Variants in OSBP observed in about 807,000 individuals in gnomAD.
OSBP encodes the protein oxysterol binding protein, also known as oxysterol-binding protein 1.
OSBP carries 32 observed loss-of-function variants against 96.6 expected under a neutral mutation model. That is an observed-to-expected ratio of 0.33 (90% CI 0.25 to 0.45). The LOEUF (loss-of-function observed/expected upper bound fraction) is 0.45, where lower values mean the gene tolerates loss of function less well. Ranked by LOEUF, OSBP falls within the 20% of genes least tolerant of loss-of-function variation. The pLI is 1.00. For synonymous variants in OSBP, 369 were observed against 389.6 expected, an observed-to-expected ratio of 0.95 and a Z score of 0.62; for missense variants, 653 against 1,029.7, an observed-to-expected ratio of 0.63 and a Z score of 5.01.
In OSBP at chr11:59,575,573, G is replaced by GATATTTAACACATTAT. The variant is rs1860352530; in HGVS notation, c.*1003_*1004insATAATGTGTTAAATAT. ...ACACATTATTCCAGAGGTGGCTCCA[G>GATATTTAACACATTAT]TCCTTGGGGCTTGAGAGATGGTGAA... On this transcript the variant is annotated 3_prime_UTR_variant, in exon 14 of 14. Transcript: ENST00000263847. 2.0e-5 allele frequency: 3 copies of GATATTTAACACATTAT among 152,624 alleles called. No homozygotes were observed. The highest frequency in any genetic ancestry group is 7.2e-5 in the African/African-American group (3 of 41,456). The allele number at this position is 152,624 out of a possible 1,614,324, so 9.5% of individuals were successfully genotyped here.
chr11:59,578,505 C>T (rs2134650230), intron 11 of OSBP, among the ~76,000 whole-genome samples, 175 bp from the exon 12 acceptor site: 1 of 152,258 alleles, frequency 6.6e-6, no homozygotes, highest in East Asian at 1.9e-4. Context: ...GGCTGGAGTA[C>T]ACTGATGCAA....
intron 7 of OSBP, among the ~76,000 whole-genome samples, chr11:59,597,068 C>CT (rs1565118218): frequency 2.0e-5 from 3 of 151,862 alleles, no homozygotes; most frequent in East Asian, 1.9e-4. Flanking sequence ...CTATTTCTTT[C>CT]TTTTTTTTGA....
At chr11:59,609,142 T>C (rs1269580303) in intron 2 of OSBP, among the ~76,000 whole-genome samples, 1 of 152,222 alleles carries the variant, frequency 6.6e-6, no homozygotes, top group African/African-American at 2.4e-5. Context: ...AGCTTGATGA[T>C]TCCTATCTAG....
chr11:59,608,558 C>A lies in OSBP; in HGVS notation c.748G>T (p.Glu250Ter). The A allele has an allele frequency of 6.2e-7, 1 of 1,613,976 alleles. No homozygotes were observed. The highest frequency in any genetic ancestry group is 8.5e-7 in the Non-Finnish European group (1 of 1,179,958). Reference sequence around the variant, plus strand: ...ACCTGTTTGATCTTTTCATTGCTCTCAGCAGGCAACTTCAGGGACTCCAGC... The same window carrying A: ...ACCTGTTTGATCTTTTCATTGCTCTAAGCAGGCAACTTCAGGGACTCCAGC... ...SELESLKLPA[E>*]SNEKIKQVNE... is the part of the protein sequence containing the mutation. The change falls in exon 3 of 14, where the codon GAG becomes TAG. Residue 250 changes from glutamate to a stop codon, truncating the protein, a stop_gained. Transcript: ENST00000263847. LOFTEE classifies it high-confidence loss of function.
chr11:59,615,549 G>C lies in OSBP; in HGVS notation c.116C>G (p.Ala39Gly), dbSNP rs1038016073. Residue 39 changes from alanine (A) to glycine (G), a missense_variant, in exon 1 of 14, where the codon GCG (alanine) becomes GGG (glycine). Physicochemically the swap from Ala to Gly is moderately conservative, Grantham distance 60. This residue lies in a region of OSBP where 151 missense variants were observed against 146.1 expected (regional missense o/e 1.03). Coordinates refer to ENST00000263847, the MANE Select transcript of OSBP (RefSeq NM_002556.3). ...VVGGGGGRGD[A>G]GPGSGAASGT... ...TGACGCGGCCCCGGAGCCTGGCCCC[G>C]CATCTCCGCGGCCGCCGCCTCCTCC... The C allele has an allele frequency of 7.5e-5, 101 of 1,349,318 alleles. No homozygotes were observed. The highest frequency in any genetic ancestry group is 9.6e-5 in the Non-Finnish European group (100 of 1,046,176). 83.6% of individuals were successfully genotyped at this position (1,349,318 alleles called of 1,614,324 possible).
At chr11:59,587,391 A>C (rs1944569947) in intron 9 of OSBP, among the ~76,000 whole-genome samples, 1 of 152,034 alleles carries the variant, frequency 6.6e-6, no homozygotes, top group South Asian at 2.1e-4. Flanking sequence ...AATCCCAGCT[A>C]TTCTGGAGGC....
At chr11:59,587,330 G>A (rs773584108) in intron 9 of OSBP, among the ~76,000 whole-genome samples, 1 of 151,958 alleles carries the variant, frequency 6.6e-6, no homozygotes, top group African/African-American at 2.4e-5. Context: ...GTGAAACTAA[G>A]TCTCTACTAA....
chr11:59,602,713 C>A (rs11230018), intron 3 of OSBP, among the ~76,000 whole-genome samples: 1 of 152,142 alleles, frequency 6.6e-6, no homozygotes, highest in Admixed American at 6.5e-5. Flanking sequence ...TCAACCTCGT[C>A]GGGCTCAGGT....
At position 59,594,275 on chromosome 11, in the gene OSBP, T is replaced by C. The variant is rs774578478; in HGVS notation, c.1312-20A>G. ...GTTTACCTGTAAGGAGAAGAACAGA[T>C]ATAAAAACTATGCTCACTCATCTAT... On this transcript the variant is annotated intron_variant, in intron 7 of 13. Coordinates refer to ENST00000263847, the MANE Select transcript of OSBP (RefSeq NM_002556.3). The C allele has an allele frequency of 6.2e-7, 1 of 1,611,570 alleles. No individual in the cohort carries two copies. The highest frequency in any genetic ancestry group is 8.5e-7 in the Non-Finnish European group (1 of 1,178,286).
chr11:59,602,347 C>A (rs1256545292), intron 3 of OSBP, among the ~76,000 whole-genome samples: 1 of 152,136 alleles, frequency 6.6e-6, no homozygotes, highest in Non-Finnish European at 1.5e-5. Context: ...CTAAGAGAAA[C>A]AACTGACCTT....
intron 11 of OSBP, among the ~76,000 whole-genome samples, chr11:59,579,175 A>T (rs1460080312): frequency 1.3e-5 from 2 of 152,086 alleles, no homozygotes; most frequent in African/African-American, 4.8e-5. Context: ...AACAGATTTA[A>T]ATCCCCAGCT....
chr11:59,576,530 T>A lies in OSBP; in HGVS notation c.*47A>T, dbSNP rs752863803. The A allele has an allele frequency of 6.3e-7, 1 of 1,586,780 alleles. No homozygotes were observed. The highest frequency in any genetic ancestry group is 1.8e-5 in the Admixed American group (1 of 56,702). On this transcript the variant is annotated 3_prime_UTR_variant, in exon 14 of 14. Transcript: ENST00000263847. ...CAACTTCCAGCTTTCCCACACATCCTCTGTCCTCTTCTCCATTATATGCTC... is the reference window on the plus strand; with the variant it reads ...CAACTTCCAGCTTTCCCACACATCCACTGTCCTCTTCTCCATTATATGCTC...
chr11:59,610,283 G>A (rs1267066478), intron 2 of OSBP, 98 bp downstream of exon 2: 1 of 1,005,228 alleles, frequency 9.9e-7, no homozygotes. Flanking sequence ...TAGGAAATAG[G>A]TGATAATCAA....
chr11:59,612,345 C>T (rs1346525731), intron 1 of OSBP, among the ~76,000 whole-genome samples: 1 of 152,110 alleles, frequency 6.6e-6, no homozygotes, highest in Non-Finnish European at 1.5e-5. Flanking sequence ...ATGAATAATG[C>T]AGGCTGAATT....
At position 59,615,674 on chromosome 11, in the gene OSBP, C is replaced by A; in HGVS notation, c.-10G>T. 7.6e-7 allele frequency: 1 copy of A among 1,316,744 alleles called. No individual in the cohort carries two copies. The highest frequency in any genetic ancestry group is 9.7e-7 in the Non-Finnish European group (1 of 1,033,794). 81.6% of individuals were successfully genotyped at this position (1,316,744 alleles called of 1,614,324 possible). On this transcript the variant is annotated 5_prime_UTR_variant, in exon 1 of 14. Coordinates refer to ENST00000263847, the MANE Select transcript of OSBP (RefSeq NM_002556.3). ...GCTCCGTCGCCGCCATGAGCCGCCG[C>A]CGCCTGGAGATACAAGACCGGAACC... is the stretch of plus-strand genomic sequence containing the variant.
chr11:59,596,355 A>G (rs1449015399), intron 7 of OSBP, among the ~76,000 whole-genome samples: 1 of 152,196 alleles, frequency 6.6e-6, no homozygotes. Flanking sequence ...AGTGTACTCC[A>G]CTGGTGGTAC....
chr11:59,601,644 A>C lies in OSBP; in HGVS notation c.1017T>G (p.Gly339=). Reference sequence around the variant, plus strand: ...CCTGAGAGCTAAGTGTCTTACCTTTACCAGAACCCACATTGCCAGGAGTGT... The same window carrying C: ...CCTGAGAGCTAAGTGTCTTACCTTTCCCAGAACCCACATTGCCAGGAGTGT... The part of the protein sequence containing the change: ...PANTPGNVGS[G]KDQCCSGKGD... The change falls in exon 4 of 14, where the codon GGT becomes GGG. Residue 339 remains glycine, a synonymous_variant. Transcript: ENST00000263847. 2 of 1,612,460 alleles carry C rather than the reference A, an allele frequency of 1.2e-6. No homozygotes were observed. The highest frequency in any genetic ancestry group is 1.7e-6 in the Non-Finnish European group (2 of 1,179,956).
intron 3 of OSBP, among the ~76,000 whole-genome samples, chr11:59,603,254 A>C (rs556012073): frequency 6.6e-6 from 1 of 152,226 alleles, no homozygotes; most frequent in African/African-American, 2.4e-5. Flanking sequence ...TGCTCTGTAC[A>C]TAATAGGGAT....
chr11:59,613,727 T>C (rs1263153218), intron 1 of OSBP, among the ~76,000 whole-genome samples: 1 of 152,204 alleles, frequency 6.6e-6, no homozygotes, highest in Admixed American at 6.5e-5. Context: ...TAAAATCAAT[T>C]CTGAATACAG....
Sources: allele counts gnomAD v4.1 joint callset (sites outside exome capture counted in the v4.1 genomes callset), GRCh38; gene constraint gnomAD v4.1.1; regional missense constraint gnomAD v4.1.1; transcripts MANE v1.5; gene names NCBI Gene and HGNC (gene_info 2026-07-23, HGNC 2026-07-21).